Variants in KCTD8 observed in about 807,000 individuals in gnomAD.
The protein encoded by KCTD8 is potassium channel tetramerization domain containing 8.
KCTD8 carries 27 observed loss-of-function variants against 31.5 expected under a neutral mutation model. The observed-to-expected ratio is 0.86, with a 90% confidence interval of 0.63 to 1.18. The LOEUF (loss-of-function observed/expected upper bound fraction) is 1.18, where lower values mean the gene tolerates loss of function less well. KCTD8 is among the 50% of genes most tolerant of loss of function. The probability of loss-of-function intolerance (pLI) is 0.00; values close to 1 mark genes in which losing one functional copy is unlikely to be tolerated. For synonymous variants in KCTD8, 290 were observed against 280.0 expected (o/e 1.04, Z -0.36); for missense variants, 658 against 647.7 (o/e 1.02, Z -0.17).
rs778300219 is a variant in KCTD8, at chr4:44,447,768, G to T, written c.756C>A (p.Leu252=). The part of the protein sequence containing the change: ...ALAKEVFGDT[L]NESRDPDRQP... Reference sequence around the variant, plus strand: ...GCCGGTCGGGGTCGCGGCTCTCGTTGAGCGTGTCCCCGAAGACCTCCTTGG... The same window carrying T: ...GCCGGTCGGGGTCGCGGCTCTCGTTTAGCGTGTCCCCGAAGACCTCCTTGG... The change falls in exon 1 of 2, where the codon CTC becomes CTA. Residue 252 remains leucine, a synonymous_variant. Transcript: ENST00000360029. 17 of 1,611,628 alleles carry T rather than the reference G, an allele frequency of 1.1e-5. No individual in the cohort carries two copies. The highest frequency in any genetic ancestry group is 1.6e-4 in the Middle Eastern group (1 of 6,062).
At chr4:44,304,659 A>G (rs1717747145) in intron 1 of KCTD8, among the ~76,000 whole-genome samples, 1 of 152,206 alleles carries the variant, frequency 6.6e-6, no homozygotes. Flanking sequence ...TAATTAAATT[A>G]TAGGATATAA....
At chr4:44,269,080 C>A (rs1329328508) in intron 1 of KCTD8, among the ~76,000 whole-genome samples, 1 of 152,088 alleles carries the variant, frequency 6.6e-6, no homozygotes, top group Non-Finnish European at 1.5e-5. Flanking sequence ...CCCTCATTGC[C>A]AAGTCAATCC....
intron 1 of KCTD8, among the ~76,000 whole-genome samples, chr4:44,347,566 TC>T (rs1319339612): frequency 1.3e-5 from 2 of 152,202 alleles, no homozygotes; most frequent in East Asian, 3.8e-4. Context: ...AGTGCACTAT[TC>T]TTGAGCTTTT....
chr4:44,362,346 C>A (rs574639145), intron 1 of KCTD8, among the ~76,000 whole-genome samples: 1 of 152,250 alleles, frequency 6.6e-6, no homozygotes, highest in Non-Finnish European at 1.5e-5. Context: ...CCTCAACTTT[C>A]ATGAGTTTTC....
At chr4:44,343,763 A>AC (rs879624780) in intron 1 of KCTD8, among the ~76,000 whole-genome samples, 10 of 152,228 alleles carry the variant, frequency 6.6e-5, no homozygotes, top group Non-Finnish European at 1.0e-4. Context: ...CACATTAGTA[A>AC]ACTGTAACAA....
At chr4:44,330,742 T>C (rs375344597) in intron 1 of KCTD8, among the ~76,000 whole-genome samples, 36 of 152,038 alleles carry the variant, frequency 2.4e-4, no homozygotes, top group African/African-American at 7.7e-4. Flanking sequence ...GTACTATATG[T>C]AAAGCTCAAA....
intron 1 of KCTD8, among the ~76,000 whole-genome samples, chr4:44,347,337 T>A (rs1304529497): frequency 6.6e-6 from 1 of 152,178 alleles, no homozygotes; most frequent in African/African-American, 2.4e-5. Context: ...GGGCAGTTCT[T>A]CAATATTACC....
intron 1 of KCTD8, among the ~76,000 whole-genome samples, chr4:44,247,989 G>C (rs572210771): frequency 6.6e-6 from 1 of 151,830 alleles, no homozygotes; most frequent in Admixed American, 6.6e-5. Context: ...ATATCCAAAA[G>C]AATTGAAATT....
At chr4:44,260,118 A>G (rs1364059594) in intron 1 of KCTD8, among the ~76,000 whole-genome samples, 1 of 151,538 alleles carries the variant, frequency 6.6e-6, no homozygotes, top group East Asian at 1.9e-4. Context: ...TGAGAACATC[A>G]AATGGAAGTA....
chr4:44,197,684 G>A (rs906053469), intron 1 of KCTD8, among the ~76,000 whole-genome samples: 17 of 152,040 alleles, frequency 1.1e-4, no homozygotes, highest in African/African-American at 1.7e-4. Context: ...ATTACACCAC[G>A]GTAAAAGGAA....
chr4:44,430,201 GT>G (rs1230127797), intron 1 of KCTD8, among the ~76,000 whole-genome samples: 1 of 151,670 alleles, frequency 6.6e-6, no homozygotes, highest in Non-Finnish European at 1.5e-5. Context: ...TCCTCAAATG[GT>G]TCTAGGCTGG....
At chr4:44,238,197 C>T (rs991446942) in intron 1 of KCTD8, among the ~76,000 whole-genome samples, 1 of 151,934 alleles carries the variant, frequency 6.6e-6, no homozygotes, top group Non-Finnish European at 1.5e-5. Flanking sequence ...AAGTTCTCCC[C>T]GCCCTACACT....
chr4:44,199,689 A>G (rs1714073750), intron 1 of KCTD8, among the ~76,000 whole-genome samples: 1 of 152,136 alleles, frequency 6.6e-6, no homozygotes, highest in Non-Finnish European at 1.5e-5. Context: ...AAATGCCTTC[A>G]TCAAGTAGTT....
intron 1 of KCTD8, among the ~76,000 whole-genome samples, chr4:44,305,617 T>C (rs1717779456): frequency 6.6e-6 from 1 of 152,002 alleles, no homozygotes; most frequent in Admixed American, 6.5e-5. Context: ...AGTGATTTTA[T>C]ATTTCCCTAA....
At chr4:44,281,721 C>G (rs1489968322) in intron 1 of KCTD8, among the ~76,000 whole-genome samples, 6 of 152,058 alleles carry the variant, frequency 3.9e-5, no homozygotes, top group African/African-American at 1.4e-4. Flanking sequence ...TTGAGAGCAG[C>G]TATGTAGAAC....
intron 1 of KCTD8, among the ~76,000 whole-genome samples, chr4:44,276,998 G>A (rs1198109073): frequency 6.6e-6 from 1 of 151,890 alleles, no homozygotes; most frequent in Non-Finnish European, 1.5e-5. Flanking sequence ...AAGAGATGAA[G>A]TTTCTCTATC....
At chr4:44,282,735 AATG>A (rs1448694147) in intron 1 of KCTD8, among the ~76,000 whole-genome samples, 3 of 152,182 alleles carry the variant, frequency 2.0e-5, no homozygotes, top group Admixed American at 1.3e-4. Flanking sequence ...TGGCAGTTTT[AATG>A]ATCTAGATAG....
At chr4:44,247,539 G>A (rs1178220367) in intron 1 of KCTD8, among the ~76,000 whole-genome samples, 1 of 151,736 alleles carries the variant, frequency 6.6e-6, no homozygotes, top group African/African-American at 2.4e-5. Context: ...TTAACTGTAG[G>A]CACAATGTCA....
intron 1 of KCTD8, among the ~76,000 whole-genome samples, chr4:44,354,308 C>T (rs1231142268): frequency 1.3e-5 from 2 of 152,148 alleles, no homozygotes; most frequent in African/African-American, 2.4e-5. Context: ...GGCTTCAACA[C>T]TACATTTCCA....
Sources: gnomAD v4.1 joint callset for allele counts (sites outside exome capture counted in the v4.1 genomes callset) on GRCh38, gnomAD v4.1.1 for gene constraint, MANE v1.5 for transcripts, NCBI Gene and HGNC (gene_info 2026-07-23, HGNC 2026-07-21) for gene names.